ADPGK: variants seen among roughly 807,000 people sequenced by gnomAD.
ADPGK encodes ADP dependent glucokinase.
ADPGK carries 26 observed loss-of-function variants against 42.4 expected under a neutral mutation model. That is an observed-to-expected ratio of 0.61 (90% confidence interval 0.45 to 0.85). The LOEUF (loss-of-function observed/expected upper bound fraction) is 0.85. ADPGK is among the 40% of genes least tolerant of loss of function. ADPGK has a pLI of 0.00. For missense variants in ADPGK, 571 were observed against 627.0 expected (o/e 0.91, Z 0.95); for synonymous variants, 267 against 252.6 (o/e 1.06, Z -0.54).
rs769804003 is a variant in ADPGK at position 72,752,577 on chromosome 15, T to C, written c.1258A>G (p.Ile420Val). The C allele has an allele frequency of 1.2e-6, 2 of 1,614,092 alleles. No homozygotes were observed. Among genetic ancestry groups the C allele is most frequent in the Admixed American group, 1.7e-5 (1 of 60,008 alleles). The change falls in exon 7 of 7, where the codon ATA becomes GTA. Residue 420 changes from isoleucine (I) to valine (V), a missense_variant. Ile to Val is a conservative substitution (Grantham distance 29, BLOSUM62 3). Around this residue, in one of 2 missense-constraint regions of ADPGK, gnomAD observed 434 missense variants for 522.7 expected, o/e 0.83. Coordinates refer to ENST00000456471, the MANE Select transcript of ADPGK (RefSeq NM_001365225.1). ...AGTQACATET[I>V]DTSRVSLRAP... ...CTCAGAGACACTCGGCTGGTGTCTA[T>C]GGTTTCTGTGGCGCAGGCCTGTGTC...
At chr15:72,753,882 C>T (rs1378987614) in intron 6 of ADPGK, among the ~76,000 whole-genome samples, 1 of 151,948 alleles carries the variant, frequency 6.6e-6, no homozygotes, top group African/African-American at 2.4e-5. Context: ...TGAAAAACAC[C>T]AAGAGTGAAC....
At chr15:72,762,391 T>A (rs575786722) in intron 3 of ADPGK, among the ~76,000 whole-genome samples, 44 of 152,336 alleles carry the variant, frequency 2.9e-4, no homozygotes, top group African/African-American at 1.0e-3. Context: ...GACTGCTTTG[T>A]ACAGAGGTAC....
At chr15:72,760,588 C>A in intron 3 of ADPGK, 61 bp from the exon 4 acceptor site, 1 of 1,558,314 alleles carries the variant, frequency 6.4e-7, no homozygotes, top group Non-Finnish European at 8.7e-7. Flanking sequence ...AGAACCTCAA[C>A]AGCACCCCAG....
intron 1 of ADPGK, among the ~76,000 whole-genome samples, chr15:72,780,097 C>A (rs1256004325): frequency 6.6e-6 from 1 of 151,548 alleles, no homozygotes; most frequent in Non-Finnish European, 1.5e-5. Context: ...CTGTTATCTG[C>A]CTCCCTCATA....
intron 4 of ADPGK, among the ~76,000 whole-genome samples, chr15:72,759,137 C>T (rs1182309678): frequency 1.3e-5 from 2 of 152,240 alleles, no homozygotes; most frequent in African/African-American, 2.4e-5. Context: ...GGGGTTTCAC[C>T]ATCTTGGCCA....
intron 5 of ADPGK, 42 bp from the exon 6 acceptor site, chr15:72,755,696 G>C: frequency 1.4e-6 from 2 of 1,463,516 alleles, no homozygotes; most frequent in Non-Finnish European, 1.9e-6. Flanking sequence ...AGAAATAGAA[G>C]GAAGTCAAGA....
chr15:72,781,505 A>G (rs912934442), intron 1 of ADPGK, among the ~76,000 whole-genome samples: 7 of 152,232 alleles, frequency 4.6e-5, no homozygotes, highest in East Asian at 1.9e-4. Flanking sequence ...TGTCTGTCCT[A>G]TGAAAGTCAC....
chr15:72,768,192 C>G (rs754581502), intron 3 of ADPGK, among the ~76,000 whole-genome samples: 26 of 150,058 alleles, frequency 1.7e-4, no homozygotes, highest in Admixed American at 6.6e-4. Flanking sequence ...TTGAAAGATA[C>G]AAACTACTAA....
At chr15:72,756,094 G>C (rs750581657) in intron 5 of ADPGK, 157 bp downstream of exon 5, 3 of 813,130 alleles carry the variant, frequency 3.7e-6, no homozygotes, top group Non-Finnish European at 6.2e-6. Context: ...ATACAGTGAG[G>C]TGCCTCACTG....
intron 6 of ADPGK, among the ~76,000 whole-genome samples, 189 bp downstream of exon 6, chr15:72,755,367 A>G (rs2066097831): frequency 6.6e-6 from 1 of 152,266 alleles, no homozygotes; most frequent in Non-Finnish European, 1.5e-5. Context: ...TTAACCTAGT[A>G]GGAGATACTG....
chr15:72,779,244 G>GT (rs35321622), intron 1 of ADPGK, among the ~76,000 whole-genome samples: 85,330 of 107,304 alleles, frequency 0.8, 35,620 homozygotes, highest in Non-Finnish European at 0.92. Flanking sequence ...TAGCATGAGG[G>GT]TTTTTTTTTT....
At chr15:72,781,310 G>T (rs575581908) in intron 1 of ADPGK, among the ~76,000 whole-genome samples, 6 of 152,084 alleles carry the variant, frequency 3.9e-5, no homozygotes, top group African/African-American at 1.4e-4. Context: ...CCCATAAAAG[G>T]CCCTTCACAA....
rs2066046485 is a variant in ADPGK, at chr15:72,751,607, C to G, written c.*734G>C. 6.6e-6 allele frequency: 1 copy of G among 152,578 alleles called. No homozygotes were observed. Among genetic ancestry groups the G allele is most frequent in the African/African-American group, 2.4e-5 (1 of 41,428 alleles). The allele number at this position is 152,578 out of a possible 1,614,324, so 9.5% of individuals were successfully genotyped here. On this transcript the variant is annotated 3_prime_UTR_variant, in exon 7 of 7. Transcript: ENST00000456471. ...AACGAACAAAAATCAGTCTTTATGG[C>G]AGAAAGCACATCCAAAGCTAGGCAA...
Position 72,752,234 on chromosome 15 carries a change from G to A in ADPGK, c.*107C>T, listed in dbSNP as rs9460. On this transcript the variant is annotated 3_prime_UTR_variant, in exon 7 of 7. Transcript: ENST00000456471. ...AACAGGCTGGAATGTACCTGATACA[G>A]TTTAATCTGCTTTTATTTCTTTGGC... 0.6 allele frequency: 702,489 copies of A among 1,163,778 alleles called. 218,262 individuals carry two copies. The highest frequency in any genetic ancestry group is 0.66 in the Middle Eastern group (2,256 of 3,436). 72.1% of individuals were successfully genotyped at this position (1,163,778 alleles called of 1,614,324 possible).
At chr15:72,778,875 G>A (rs1860307238) in intron 1 of ADPGK, among the ~76,000 whole-genome samples, 1 of 152,154 alleles carries the variant, frequency 6.6e-6, no homozygotes, top group Non-Finnish European at 1.5e-5. Context: ...AAAGGCGGCT[G>A]ATCTTTAAGA....
At chr15:72,754,119 C>T (rs547459233) in intron 6 of ADPGK, among the ~76,000 whole-genome samples, 25 of 149,370 alleles carry the variant, frequency 1.7e-4, no homozygotes, top group Non-Finnish European at 3.0e-4. Flanking sequence ...ACAAAACCAA[C>T]GACAGTCAGC....
At chr15:72,769,898 C>G (rs187062163) in intron 3 of ADPGK, among the ~76,000 whole-genome samples, 172 of 152,200 alleles carry the variant, frequency 1.1e-3, no homozygotes, top group African/African-American at 4.0e-3. Flanking sequence ...CTTATAGGGC[C>G]CTATGAAGAT....
At chr15:72,753,127 T>C (rs999607087) in intron 6 of ADPGK, among the ~76,000 whole-genome samples, 9 of 152,206 alleles carry the variant, frequency 5.9e-5, no homozygotes, top group Non-Finnish European at 1.2e-4. Flanking sequence ...AGATGCAGTC[T>C]TTTGTGATAT....
intron 3 of ADPGK, among the ~76,000 whole-genome samples, chr15:72,762,730 C>T (rs957663950): frequency 2.0e-5 from 3 of 152,156 alleles, no homozygotes; most frequent in African/African-American, 7.2e-5. Context: ...GCCTGTAATC[C>T]CAGCACTTTG....
Sources: gnomAD v4.1 joint callset for allele counts (sites outside exome capture counted in the v4.1 genomes callset) on GRCh38, gnomAD v4.1.1 for gene constraint, gnomAD v4.1.1 regional missense constraint, MANE v1.5 for transcripts, NCBI Gene and HGNC (gene_info 2026-07-23, HGNC 2026-07-21) for gene names.